The following TULP4 variants were observed in gnomAD, a reference collection of about 807,000 sequenced individuals.
TULP4 encodes tubby-related protein 4.
Under a neutral mutation model 129.0 loss-of-function variants are expected in TULP4, and 16 were observed. That is an observed-to-expected ratio of 0.12 (90% CI 0.08 to 0.19). The LOEUF (loss-of-function observed/expected upper bound fraction) is 0.19, where lower values mean the gene tolerates loss of function less well. TULP4 is among the 10% of genes least tolerant of loss of function. The probability of loss-of-function intolerance (pLI) is 1.00; values close to 1 mark genes in which losing one functional copy is unlikely to be tolerated. For missense variants in TULP4, 1,842 were observed against 2,059.1 expected, an observed-to-expected ratio of 0.89 and a Z score of 2.04; for synonymous variants, 998 against 854.0, an observed-to-expected ratio of 1.17 and a Z score of -2.94.
At chr6:158,295,674 G>T (rs559976145) in intron 1 of TULP4, among the ~76,000 whole-genome samples, 1 of 152,306 alleles carries the variant, frequency 6.6e-6, no homozygotes, top group Admixed American at 6.5e-5. Context: ...CAGATCACAA[G>T]GTTGAGAGAT....
rs994569725 is a variant in TULP4, at chr6:158,238,422, T to G, written n.68+6119T>G. 3 of 491,044 alleles carry G rather than the reference T, an allele frequency of 6.1e-6. No individual in the cohort carries two copies. The Admixed American group carries it at 1.0e-4, about 17-fold the overall frequency. 30.4% of individuals were successfully genotyped at this position (491,044 alleles called of 1,614,324 possible). ...GTAATGCCTTGTTAAATTGTTTTTT[T>G]TTTTTTTTTTAAATTTATTTTTTTA... On this transcript the variant is annotated intron_variant and non_coding_transcript_variant, in intron 1 of 1. Transcript: ENST00000620026.
At chr6:158,354,904 CCAG>C (rs1780609954) in intron 1 of TULP4, among the ~76,000 whole-genome samples, 1 of 140,684 alleles carries the variant, frequency 7.1e-6, no homozygotes, top group Non-Finnish European at 1.5e-5. Flanking sequence ...AAAAAAAAAA[CCAG>C]AAAGCCCTCA....
chr6:158,406,109 T>G (rs1378554958), intron 1 of TULP4, among the ~76,000 whole-genome samples: 1 of 152,184 alleles, frequency 6.6e-6, no homozygotes, highest in Non-Finnish European at 1.5e-5. Flanking sequence ...ACTCATTGGC[T>G]GAGTGATTGA....
At chr6:158,326,541 T>A (rs1057208703) in intron 1 of TULP4, among the ~76,000 whole-genome samples, 1 of 152,226 alleles carries the variant, frequency 6.6e-6, no homozygotes, top group African/African-American at 2.4e-5. Flanking sequence ...TGTTGGAACA[T>A]AATCTCCAGT....
chr6:158,246,712 A>G (rs1217953037), intron 1 of TULP4, among the ~76,000 whole-genome samples: 4 of 152,218 alleles, frequency 2.6e-5, no homozygotes, highest in Non-Finnish European at 4.4e-5. Context: ...TTAAAAATTT[A>G]TGCCCTTTTT....
intron 1 of TULP4, among the ~76,000 whole-genome samples, chr6:158,246,023 G>GGGGTGTGT (rs113914160): frequency 0.015 from 2,170 of 145,904 alleles, 27 homozygotes; most frequent in East Asian, 0.03. Flanking sequence ...ACCCCTTAGG[G>GGGGTGTGT]GTGTGTGTGT....
At position 158,423,606 on chromosome 6, in the gene TULP4, CTTGT is replaced by C. The variant is rs1436649181; in HGVS notation, c.382-6124_382-6121del. 2.5e-4 allele frequency among the ~76,000 whole-genome samples: 31 copies of C among 124,008 alleles called. 1 individual carries two copies. In the East Asian group the frequency reaches 5.5e-3, roughly 22 times the overall value. The allele number at this position is 124,008 out of a possible 152,430, so 81.4% of individuals were successfully genotyped here. ...AAATTAAATTTTTTCTTAATTTAAA[CTTGT>C]TTGTTGTTATTTGTTTTTGTTTTTT... is the stretch of plus-strand genomic sequence containing the variant. On this transcript the variant is annotated intron_variant, in intron 2 of 13. Transcript: ENST00000367097.
rs1300787608 is a variant in TULP4, at chr6:158,240,742, G to A, written n.68+8439G>A. 2.3e-5 allele frequency among the ~76,000 whole-genome samples: 3 copies of A among 132,744 alleles called. No individual in the cohort carries two copies. In the East Asian group the frequency reaches 8.5e-4, roughly 38 times the overall value. The allele number at this position is 132,744 out of a possible 152,430, so 87.1% of individuals were successfully genotyped here. On this transcript the variant is annotated intron_variant and non_coding_transcript_variant, in intron 1 of 1. Transcript: ENST00000620026. The stretch of plus-strand genomic sequence containing the variant: ...CCCGGACGGGGCGGCTGGCCGGGCG[G>A]GGGGCTGACCCCCCCACCTCCCTCC...
Position 158,504,170 on chromosome 6 carries a change from G to GGGC in TULP4, c.4511_4513dup (p.Arg1504dup). On this transcript the variant is annotated inframe_insertion, in exon 13 of 14. Transcript: ENST00000367097. The stretch of plus-strand genomic sequence containing the variant: ...CAAGAACTTCCAGATTGAGTTAGAG[G>GGGC]GGCGGCAGGTAAGACCTCAGACCAG... 6.3e-7 allele frequency: 1 copy of GGGC among 1,586,950 alleles called. No individual in the cohort carries two copies. Among genetic ancestry groups the GGGC allele is most frequent in the Non-Finnish European group, 8.6e-7 (1 of 1,164,938 alleles).
intron 3 of TULP4, among the ~76,000 whole-genome samples, chr6:158,442,317 T>C (rs1778915654): frequency 6.6e-6 from 1 of 152,140 alleles, no homozygotes; most frequent in Non-Finnish European, 1.5e-5. Flanking sequence ...TTTGAAGAGT[T>C]GTAAAATTTT....
intron 1 of TULP4, among the ~76,000 whole-genome samples, chr6:158,369,128 A>T (rs960512208): frequency 1.3e-5 from 2 of 152,232 alleles, no homozygotes; most frequent in African/African-American, 4.8e-5. Context: ...CCTTTATTTT[A>T]TGCAGCTTTT....
chr6:158,268,035 CTT>C (rs773811376), intron 1 of TULP4, among the ~76,000 whole-genome samples: 5 of 72,766 alleles, frequency 6.9e-5, no homozygotes, highest in Admixed American at 1.8e-4. Context: ...TTTCTTTTTT[CTT>C]TTTTTTTTTT....
intron 1 of TULP4, among the ~76,000 whole-genome samples, chr6:158,295,117 T>G (rs1779005712): frequency 6.6e-6 from 1 of 152,228 alleles, no homozygotes; most frequent in African/African-American, 2.4e-5. Flanking sequence ...ATTTTTGTCT[T>G]GTTTTGTGTT....
chr6:158,265,242 A>T (rs549282570), intron 1 of TULP4, among the ~76,000 whole-genome samples: 21 of 152,232 alleles, frequency 1.4e-4, no homozygotes, highest in African/African-American at 5.1e-4. Context: ...CTGTCTTCTG[A>T]TTCCTGGTCT....
At chr6:158,485,499 T>C (rs529658416) in intron 8 of TULP4, among the ~76,000 whole-genome samples, 51 of 152,342 alleles carry the variant, frequency 3.3e-4, no homozygotes, top group Admixed American at 3.3e-3. Context: ...GCTGTTGGAC[T>C]TCTTAGCTTT....
chr6:158,302,162 T>C (rs891065021), intron 1 of TULP4, among the ~76,000 whole-genome samples: 1 of 152,142 alleles, frequency 6.6e-6, no homozygotes, highest in Non-Finnish European at 1.5e-5. Flanking sequence ...GAGCTCAAAG[T>C]AGTGAAAGCA....
intron 1 of TULP4, among the ~76,000 whole-genome samples, chr6:158,350,527 C>A (rs546870868): frequency 2.6e-5 from 4 of 152,114 alleles, no homozygotes; most frequent in Non-Finnish European, 5.9e-5. Flanking sequence ...GAGCTGGAGA[C>A]CAGCCCGGTC....
intron 1 of TULP4, among the ~76,000 whole-genome samples, chr6:158,337,035 T>TTCTCTTTC (rs1554281465): frequency 6.0e-4 from 16 of 26,682 alleles, no homozygotes; most frequent in Admixed American, 2.4e-3. Context: ...CTTTCTTTCT[T>TTCTCTTTC]TTTCTTTCTT....
chr6:158,458,502 A>G (rs953793425), intron 5 of TULP4, among the ~76,000 whole-genome samples: 14 of 152,236 alleles, frequency 9.2e-5, no homozygotes, highest in Admixed American at 2.6e-4. Flanking sequence ...AAAAGGGAAA[A>G]GAGGCCTACT....
Sources: gnomAD v4.1 joint callset for allele counts (sites outside exome capture counted in the v4.1 genomes callset) on GRCh38, gnomAD v4.1.1 for gene constraint, MANE v1.5 for transcripts, NCBI Gene and HGNC (gene_info 2026-07-23, HGNC 2026-07-21) for gene names.